SLC39A11: variants seen among roughly 807,000 people sequenced by gnomAD.
SLC39A11 encodes the protein zinc transporter ZIP11.
A neutral mutation model predicts 36.1 loss-of-function variants in SLC39A11; 33 were observed. That is an observed-to-expected ratio of 0.91 (90% confidence interval 0.69 to 1.22). The LOEUF (loss-of-function observed/expected upper bound fraction) is 1.22, where lower values mean the gene tolerates loss of function less well. Among genes scored for constraint, SLC39A11 ranks in the 50% most tolerant of loss-of-function variants. The pLI is 0.00. For missense variants in SLC39A11, 432 were observed against 430.3 expected (o/e 1.00, Z -0.03); for synonymous variants, 166 against 170.3 (o/e 0.97, Z 0.20).
chr17:72,866,303 T>C (rs1281205251), intron 5 of SLC39A11, among the ~76,000 whole-genome samples: 1 of 152,138 alleles, frequency 6.6e-6, no homozygotes, highest in Non-Finnish European at 1.5e-5. Context: ...TGCCTCCCAT[T>C]ACCCCCAGAT....
chr17:72,726,879 T>C (rs1307440273), intron 7 of SLC39A11, among the ~76,000 whole-genome samples: 1 of 152,214 alleles, frequency 6.6e-6, no homozygotes, highest in Non-Finnish European at 1.5e-5. Context: ...CATCCAAATG[T>C]AGACTAATCA....
At chr17:72,687,400 C>T (rs766536281) in intron 7 of SLC39A11, among the ~76,000 whole-genome samples, 8 of 152,184 alleles carry the variant, frequency 5.3e-5, no homozygotes, top group Non-Finnish European at 1.0e-4. Context: ...CGTGCCAACA[C>T]GCCCAGCTAA....
intron 7 of SLC39A11, among the ~76,000 whole-genome samples, chr17:72,723,321 A>AGTGTGTGTGTGTGT (rs10570164): frequency 0.016 from 2,386 of 148,500 alleles, 60 homozygotes; most frequent in African/African-American, 0.053. Flanking sequence ...GGAGTGTAAG[A>AGTGTGTGTGTGTGT]GTGTGTGTGT....
intron 5 of SLC39A11, among the ~76,000 whole-genome samples, chr17:72,914,602 C>T (rs185172494): frequency 6.6e-6 from 1 of 151,988 alleles, no homozygotes; most frequent in Non-Finnish European, 1.5e-5. Context: ...TTGAATAGGC[C>T]GGGTGCAGTG....
At chr17:73,078,232 C>G (rs1438976484) in intron 3 of SLC39A11, among the ~76,000 whole-genome samples, 1 of 141,134 alleles carries the variant, frequency 7.1e-6, no homozygotes, top group African/African-American at 2.6e-5. Flanking sequence ...AGCAAGACTC[C>G]GTCTCAGGAA....
intron 3 of SLC39A11, among the ~76,000 whole-genome samples, chr17:73,076,036 T>C (rs1193142869): frequency 6.6e-6 from 1 of 152,220 alleles, no homozygotes; most frequent in Non-Finnish European, 1.5e-5. Flanking sequence ...ACTCAATAAA[T>C]ATTAGGTATT....
Position 73,031,725 on chromosome 17 carries a change from CA to C in SLC39A11, c.148-12del. On this transcript the variant is annotated splice_polypyrimidine_tract_variant and intron_variant, in intron 3 of 9. Transcript: ENST00000255559. ...AGCTGCCAACATGACCTACAAAAAC[CA>C]CAACGAGAGATAAACGTTAAAGCAA... 1 of 1,612,654 alleles carries C rather than the reference CA, an allele frequency of 6.2e-7. No homozygotes were observed. The highest frequency in any genetic ancestry group is 8.5e-7 in the Non-Finnish European group (1 of 1,179,710).
In SLC39A11 at chr17:72,919,847, C is replaced by G. The variant is rs564079640; in HGVS notation, c.430+27905G>C. 4.2e-4 allele frequency among the ~76,000 whole-genome samples: 64 copies of G among 152,244 alleles called. 1 individual carries two copies. The highest frequency in any genetic ancestry group is 6.8e-3 in the Middle Eastern group (2 of 294). On this transcript the variant is annotated intron_variant, in intron 5 of 9. Transcript: ENST00000255559. The stretch of plus-strand genomic sequence containing the variant: ...TAACCCCAGTGCCCTGCTAGGACCA[C>G]AGGCTCTGGCTGGAATTCACTTTCG...
chr17:72,915,453 G>C (rs1394822068), intron 5 of SLC39A11, among the ~76,000 whole-genome samples: 1 of 152,168 alleles, frequency 6.6e-6, no homozygotes, highest in African/African-American at 2.4e-5. Context: ...TCTGCTTCCT[G>C]GTGCTTTCCT....
chr17:72,918,649 C>T (rs2083464772), intron 5 of SLC39A11, among the ~76,000 whole-genome samples: 1 of 152,188 alleles, frequency 6.6e-6, no homozygotes, highest in Non-Finnish European at 1.5e-5. Flanking sequence ...CAAAACTCTG[C>T]CTTTGGCTTG....
chr17:72,748,425 C>T (rs117495271), intron 6 of SLC39A11, among the ~76,000 whole-genome samples: 1,672 of 152,224 alleles, frequency 0.011, 15 homozygotes, highest in Middle Eastern at 0.024. Context: ...ACTAAAATAA[C>T]TACTTCCTAA....
rs188018093 is a variant in SLC39A11, at chr17:72,662,122, A to C, written c.672-12854T>G. Among the ~76,000 whole-genome samples the C allele has an allele frequency of 4.2e-3, 639 of 152,212 alleles. 5 individuals carry two copies. Among genetic ancestry groups the C allele is most frequent in the African/African-American group, 0.015 (628 of 41,534 alleles). ...TGTAGCCATCAAAAGACACATCTTA[A>C]ACTGGGCGCAGTGGTTCGCGCCTGT... On this transcript the variant is annotated intron_variant, in intron 7 of 9. Coordinates refer to ENST00000255559, the MANE Select transcript of SLC39A11 (RefSeq NM_139177.4).
chr17:72,932,997 A>G (rs2084514813), intron 5 of SLC39A11, among the ~76,000 whole-genome samples: 1 of 152,220 alleles, frequency 6.6e-6, no homozygotes, highest in African/African-American at 2.4e-5. Context: ...CTCAATGTGA[A>G]ACACTCAATG....
intron 3 of SLC39A11, among the ~76,000 whole-genome samples, chr17:73,044,085 T>A (rs2059193165): frequency 6.6e-6 from 1 of 151,956 alleles, no homozygotes; most frequent in South Asian, 2.1e-4. Context: ...GCCTACCCAG[T>A]GATAATGATG....
In SLC39A11 at chr17:72,781,413, GT is replaced by G. The variant is rs976689524; in HGVS notation, c.602-44695del. Among the ~76,000 whole-genome samples the G allele has an allele frequency of 2.4e-3, 322 of 136,638 alleles. 1 individual carries two copies. Among genetic ancestry groups the G allele is most frequent in the South Asian group, 0.017 (79 of 4,618 alleles). 89.6% of individuals were successfully genotyped at this position (136,638 alleles called of 152,430 possible). ...ATTTTGTCTTATTTTGTTTCTTTTG[GT>G]TTTTTTTTTTTCTTTTTTCTTTTTT... is the stretch of plus-strand genomic sequence containing the variant. On this transcript the variant is annotated intron_variant, in intron 6 of 9. Coordinates refer to ENST00000255559, the MANE Select transcript of SLC39A11 (RefSeq NM_139177.4).
rs1555674238 is a variant in SLC39A11 at position 73,004,227 on chromosome 17, G to GAAAGAAAGAAAGA, written c.306+27328_306+27329insTCTTTCTTTCTTT. 7.6e-5 allele frequency among the ~76,000 whole-genome samples: 7 copies of GAAAGAAAGAAAGA among 92,498 alleles called. No individual in the cohort carries two copies. The East Asian group carries it at 1.2e-3, about 16-fold the overall frequency. The allele number at this position is 92,498 out of a possible 152,430, so 60.7% of individuals were successfully genotyped here. A position where few individuals can be genotyped will look rare whatever the true frequency, so the allele number is the denominator to read the frequency against. On this transcript the variant is annotated intron_variant, in intron 4 of 9. Transcript: ENST00000255559. Reference sequence around the variant, plus strand: ...AGAAAGAAAGAAAGAAAGAAAGAAAGAAAGAAAAGAAAGAAAGAGAAAAAG... The same window carrying GAAAGAAAGAAAGA: ...AGAAAGAAAGAAAGAAAGAAAGAAAGAAAGAAAGAAAGAAAAGAAAAGAAAGAAAGAGAAAAAG...
intron 4 of SLC39A11, among the ~76,000 whole-genome samples, chr17:72,992,422 G>A (rs2089238973): frequency 6.6e-6 from 1 of 152,080 alleles, no homozygotes; most frequent in Non-Finnish European, 1.5e-5. Context: ...AGTGAAACTG[G>A]GCATCTTTTC....
chr17:72,681,406 T>G (rs1271622027), intron 7 of SLC39A11, among the ~76,000 whole-genome samples: 1 of 152,114 alleles, frequency 6.6e-6, no homozygotes, highest in Non-Finnish European at 1.5e-5. Context: ...ATAGCTGCTG[T>G]GGGTGGAAAG....
At chr17:72,716,351 T>TTTG (rs1367146949) in intron 7 of SLC39A11, among the ~76,000 whole-genome samples, 6 of 152,204 alleles carry the variant, frequency 3.9e-5, no homozygotes, top group Non-Finnish European at 7.4e-5. Flanking sequence ...CCTTTTTTTT[T>TTTG]TTGTTGTTTG....
Sources: allele counts gnomAD v4.1 joint callset (sites outside exome capture counted in the v4.1 genomes callset), GRCh38; gene constraint gnomAD v4.1.1; transcripts MANE v1.5; gene names NCBI Gene and HGNC (gene_info 2026-07-23, HGNC 2026-07-21).